Variants in UBR4 observed in about 807,000 individuals in gnomAD.
UBR4 encodes the protein E3 ubiquitin-protein ligase UBR4.
Under a neutral mutation model 575.6 loss-of-function variants are expected in UBR4, and 124 were observed. The ratio of observed to expected loss-of-function variants is 0.22; its 90% CI spans 0.19 to 0.25. The LOEUF (loss-of-function observed/expected upper bound fraction) is 0.25, where lower values mean the gene tolerates loss of function less well. Ranked by LOEUF, UBR4 falls within the 10% of genes least tolerant of loss-of-function variation. The probability of loss-of-function intolerance (pLI) is 1.00; values close to 1 mark genes in which losing one functional copy is unlikely to be tolerated. For synonymous variants in UBR4, 2,455 were observed against 2,473.7 expected (o/e 0.99, Z 0.22); for missense variants, 4,818 against 6,478.8 (o/e 0.74, Z 8.80).
At chr1:19,096,716 G>C in intron 91 of UBR4, 66 bp from the exon 92 acceptor site, 1 of 1,588,092 alleles carries the variant, frequency 6.3e-7, no homozygotes. Flanking sequence ...AATAGGCCAG[G>C]ATAAGACAGC....
At chr1:19,130,344 A>C (rs1220266551) in intron 60 of UBR4, among the ~76,000 whole-genome samples, 1 of 152,170 alleles carries the variant, frequency 6.6e-6, no homozygotes, top group Non-Finnish European at 1.5e-5. Flanking sequence ...CCAGCCAGGG[A>C]AACATAGCAA....
intron 11 of UBR4, among the ~76,000 whole-genome samples, chr1:19,189,188 CAA>C (rs1168672644): frequency 6.6e-6 from 1 of 151,768 alleles, no homozygotes; most frequent in African/African-American, 2.4e-5. Context: ...TGCCCATTGT[CAA>C]AGAGAGCATG....
chr1:19,160,681 C>T (rs921089443), intron 38 of UBR4, among the ~76,000 whole-genome samples: 1 of 152,208 alleles, frequency 6.6e-6, no homozygotes, highest in Non-Finnish European at 1.5e-5. Context: ...AAAGGGTACT[C>T]TACAGTATGA....
In UBR4 at chr1:19,152,470, C is replaced by T. The variant is rs771357017; in HGVS notation, c.6839G>A (p.Arg2280His). 16 of 1,613,714 alleles carry T rather than the reference C, an allele frequency of 9.9e-6. No individual in the cohort carries two copies. The highest frequency in any genetic ancestry group is 2.2e-5 in the East Asian group (1 of 44,890). Reference sequence around the variant, plus strand: ...GGGGAAAGTCACCTGGCTAGACGTGCGGGTTGCTGCAGAGAACGGTACCAG... The same window carrying T: ...GGGGAAAGTCACCTGGCTAGACGTGTGGGTTGCTGCAGAGAACGGTACCAG... ...RKRKTATITT[R>H]TSSQVTFPID... Residue 2280 changes from arginine (R) to histidine (H), a missense_variant, in exon 47 of 106, where the codon CGC (arginine) becomes CAC (histidine). Physicochemically the swap from Arg to His is conservative, Grantham distance 29. Around this residue, in one of 29 missense-constraint regions of UBR4, gnomAD observed 461 missense variants for 606.9 expected, o/e 0.76. Transcript: ENST00000375254. This position sits in a 1 kb window ranked among gnomAD's most constrained non-coding sequence, Gnocchi z 4.4.
intron 11 of UBR4, among the ~76,000 whole-genome samples, chr1:19,191,914 G>A (rs1026627127): frequency 4.6e-5 from 7 of 152,204 alleles, no homozygotes; most frequent in South Asian, 2.1e-4. Flanking sequence ...TTTTTCTGAT[G>A]TGAACTTCAT....
intron 73 of UBR4, among the ~76,000 whole-genome samples, chr1:19,116,610 A>G (rs1437521957): frequency 6.6e-6 from 1 of 152,188 alleles, no homozygotes; most frequent in Non-Finnish European, 1.5e-5. Flanking sequence ...CTTCAGTAGC[A>G]ATGCCTGAGA....
intron 100 of UBR4, 115 bp downstream of exon 100, chr1:19,086,564 C>G: frequency 1.4e-6 from 2 of 1,440,778 alleles, no homozygotes. Context: ...GGCAGAACAC[C>G]CTACTCTCCA....
chr1:19,164,813 A>G lies in UBR4; in HGVS notation c.4497T>C (p.Ile1499=). The G allele has an allele frequency of 6.2e-7, 1 of 1,614,080 alleles. No homozygotes were observed. Among genetic ancestry groups the G allele is most frequent in the Non-Finnish European group, 8.5e-7 (1 of 1,179,906 alleles). Residue 1499 remains isoleucine, a synonymous_variant, in exon 32 of 106, where the codon ATT becomes ATC. Coordinates refer to ENST00000375254, the MANE Select transcript of UBR4 (RefSeq NM_020765.3). Reference sequence around the variant, plus strand: ...AGTTGTTCTACCTGTTTTCCCGAACAATGTATGTGGTCAGTAACTGCAGCA... The same window carrying G: ...AGTTGTTCTACCTGTTTTCCCGAACGATGTATGTGGTCAGTAACTGCAGCA... ...RQLLQLLTTY[I]VRENSQVGEG... is the part of the protein sequence containing the mutation.
intron 27 of UBR4, among the ~76,000 whole-genome samples, chr1:19,168,626 T>G (rs2088917782): frequency 6.6e-6 from 1 of 152,122 alleles, no homozygotes; most frequent in African/African-American, 2.4e-5. Context: ...GCAAATAATC[T>G]GTTAATAGAG....
chr1:19,203,683 G>A (rs1266256852), intron 1 of UBR4, among the ~76,000 whole-genome samples: 1 of 152,178 alleles, frequency 6.6e-6, no homozygotes, highest in African/African-American at 2.4e-5. Flanking sequence ...CTGGCATTGC[G>A]AGCACTTTGC....
At chr1:19,075,990 G>A (rs2075898156) in intron 105 of UBR4, among the ~76,000 whole-genome samples, 1 of 152,234 alleles carries the variant, frequency 6.6e-6, no homozygotes, top group Admixed American at 6.5e-5. Context: ...TAGGGCGGGT[G>A]CTCTGATGGG....
In UBR4 at chr1:19,093,668, G is replaced by A. The variant is rs187936662; in HGVS notation, c.13938-182C>T. Among the ~76,000 whole-genome samples, 203 of 152,204 alleles carry A rather than the reference G, an allele frequency of 1.3e-3. No homozygotes were observed. The Middle Eastern group carries it at 0.014, about 10-fold the overall frequency. Reference sequence around the variant, plus strand: ...CCTGTTTACCTGCTATGTCTCCCACGCTCACAGCCTTCTCTTGCACTCACA... The same window carrying A: ...CCTGTTTACCTGCTATGTCTCCCACACTCACAGCCTTCTCTTGCACTCACA... On this transcript the variant is annotated intron_variant, in intron 95 of 105. Coordinates refer to ENST00000375254, the MANE Select transcript of UBR4 (RefSeq NM_020765.3). This position sits in a 1 kb window ranked among gnomAD's most constrained non-coding sequence, Gnocchi z 4.8.
chr1:19,098,176 AGTTGCAGAAGT>A (rs2078250024), intron 90 of UBR4, among the ~76,000 whole-genome samples: 1 of 152,244 alleles, frequency 6.6e-6, no homozygotes, highest in Non-Finnish European at 1.5e-5. Flanking sequence ...CAGAAAGGCC[AGTTGCAGAAGT>A]GTTTCCGGCT....
rs950233103 is a variant in UBR4 at position 19,105,941 on chromosome 1, C to A, written c.12394-99G>T. 4.0e-6 allele frequency: 3 copies of A among 750,752 alleles called. No homozygotes were observed. The African/African-American group carries it at 5.4e-5, about 14-fold the overall frequency. The allele number at this position is 750,752 out of a possible 1,614,324, so 46.5% of individuals were successfully genotyped here. A position where few individuals can be genotyped will look rare whatever the true frequency, so the allele number is the denominator to read the frequency against. On this transcript the variant is annotated intron_variant, in intron 83 of 105. Coordinates refer to ENST00000375254, the MANE Select transcript of UBR4 (RefSeq NM_020765.3). ...CAACTGCCACCCATCTAGGAGAGGT[C>A]TTCTGGGCACCTCTCTAGGAAAATG... is the stretch of plus-strand genomic sequence containing the variant.
chr1:19,096,663 G>A lies in UBR4; in HGVS notation c.13391-13C>T. The A allele has an allele frequency of 1.2e-6, 2 of 1,612,880 alleles. No homozygotes were observed. The highest frequency in any genetic ancestry group is 1.7e-6 in the Non-Finnish European group (2 of 1,179,542). ...TCTTCTTCTTCATCTAGGGGAGAAG[G>A]GAAGCCAAGCAGAAATGGAGGGTAA... On this transcript the variant is annotated splice_polypyrimidine_tract_variant and intron_variant, in intron 91 of 105. Coordinates refer to ENST00000375254, the MANE Select transcript of UBR4 (RefSeq NM_020765.3).
At position 19,117,531 on chromosome 1, in the gene UBR4, A is replaced by T. The variant is rs1376499916; in HGVS notation, c.10630-117T>A. ...AGATGAAGTTTCTATTTAATTTTTT[A>T]AAAAATATTTTGTAGAGATGGGGTC... On this transcript the variant is annotated intron_variant, in intron 72 of 105. Transcript: ENST00000375254. The surrounding 1 kb of genome is among the most constrained non-coding windows in gnomAD (Gnocchi z 4.0). 7 of 1,234,960 alleles carry T rather than the reference A, an allele frequency of 5.7e-6. No homozygotes were observed. The highest frequency in any genetic ancestry group is 1.6e-5 in the South Asian group (1 of 64,384). 76.5% of individuals were successfully genotyped at this position (1,234,960 alleles called of 1,614,324 possible). A position where few individuals can be genotyped will look rare whatever the true frequency, so the allele number is the denominator to read the frequency against.
intron 90 of UBR4, 121 bp from the exon 91 acceptor site, chr1:19,097,401 C>T: frequency 1.5e-6 from 1 of 684,212 alleles, no homozygotes; most frequent in East Asian, 3.1e-5. Flanking sequence ...TCTACAAAGT[C>T]TCAACCACAA....
rs2088641149 is a variant in UBR4 at position 19,167,166 on chromosome 1, C to T, written c.3965G>A (p.Ser1322Asn). The T allele has an allele frequency of 6.2e-7, 1 of 1,614,206 alleles. No individual in the cohort carries two copies. ...RTLLPLLLES[S>N]TESVAEISSN... ...ACTGATCTCGGCAACACTCTCAGTG[C>T]TTGATTCCAAAAGAAGAGGTAGCAG... is the stretch of plus-strand genomic sequence containing the variant. The change falls in exon 29 of 106, where the codon AGC (serine) becomes AAC (asparagine). Residue 1322 changes from serine (S) to asparagine (N), a missense_variant. Transcript: ENST00000375254.
intron 88 of UBR4, 99 bp downstream of exon 88, chr1:19,101,421 G>A (rs1316959837): frequency 4.2e-6 from 6 of 1,435,458 alleles, no homozygotes; most frequent in East Asian, 2.4e-5. Flanking sequence ...GCCCACAGCT[G>A]GTACAATTCC....
Sources: allele counts gnomAD v4.1 joint callset (sites outside exome capture counted in the v4.1 genomes callset), GRCh38; gene constraint gnomAD v4.1.1; regional missense constraint gnomAD v4.1.1; non-coding constraint Gnocchi (gnomAD v3.1); transcripts MANE v1.5; gene names NCBI Gene and HGNC (gene_info 2026-07-23, HGNC 2026-07-21).